The following CCSAP variants were observed in gnomAD, a reference collection of about 807,000 sequenced individuals.
CCSAP encodes centriole, cilia and spindle-associated protein.
Under a neutral mutation model 25.9 loss-of-function variants are expected in CCSAP, and 17 were observed. The observed-to-expected ratio is 0.66, with a 90% confidence interval of 0.45 to 0.99. CCSAP has a LOEUF of 0.99. Ranked by LOEUF, CCSAP falls within the 50% of genes least tolerant of loss-of-function variation. The probability of loss-of-function intolerance (pLI) is 0.00; values close to 1 mark genes in which losing one functional copy is unlikely to be tolerated. For missense variants in CCSAP, 339 were observed against 367.8 expected, an observed-to-expected ratio of 0.92 and a Z score of 0.64; for synonymous variants, 169 against 157.1, an observed-to-expected ratio of 1.08 and a Z score of -0.57.
At chr1:229,339,109 A>C (rs76944661) in intron 2 of CCSAP, among the ~76,000 whole-genome samples, 51 of 146,148 alleles carry the variant, frequency 3.5e-4, no homozygotes, top group African/African-American at 1.1e-3. Flanking sequence ...AAAAAAAAAA[A>C]CAGAAATAAG....
chr1:229,338,859 A>T (rs180963095), intron 2 of CCSAP, among the ~76,000 whole-genome samples: 21 of 152,246 alleles, frequency 1.4e-4, no homozygotes, highest in Admixed American at 1.4e-3. Context: ...GGAGGGAGGT[A>T]AGGGAGGGAA....
intron 2 of CCSAP, among the ~76,000 whole-genome samples, chr1:229,341,875 A>G (rs1438840914): frequency 6.6e-6 from 1 of 151,822 alleles, no homozygotes; most frequent in South Asian, 2.1e-4. Context: ...GCTTCAATTG[A>G]GTTCACCGCT....
At chr1:229,333,166 C>T (rs1206948023) in intron 2 of CCSAP, among the ~76,000 whole-genome samples, 1 of 152,344 alleles carries the variant, frequency 6.6e-6, no homozygotes, top group East Asian at 1.9e-4. Context: ...GGCGCGGTGG[C>T]TCACGCCTAT....
At position 229,325,148 on chromosome 1, in the gene CCSAP, G is replaced by C; in HGVS notation, c.*87C>G. 3.8e-6 allele frequency: 5 copies of C among 1,327,176 alleles called. No homozygotes were observed. The highest frequency in any genetic ancestry group is 5.1e-6 in the Non-Finnish European group (5 of 974,620). 82.2% of individuals were successfully genotyped at this position (1,327,176 alleles called of 1,614,324 possible). On this transcript the variant is annotated 3_prime_UTR_variant, in exon 4 of 4. Transcript: ENST00000284617. ...CATAATCAGTTGGTTTCTTAAACCT[G>C]TGTCCGTTTCTTTTGATGGTTTTTG...
chr1:229,340,623 A>G (rs1357183739), intron 2 of CCSAP: 5 of 527,038 alleles, frequency 9.5e-6, no homozygotes, highest in African/African-American at 5.8e-5. Context: ...TGTTATTTGC[A>G]TTTCTAGCAG....
At position 229,342,531 on chromosome 1, in the gene CCSAP, C is replaced by G. The variant is rs1402146288; in HGVS notation, c.-48-18G>C. On this transcript the variant is annotated intron_variant, in intron 1 of 3. Transcript: ENST00000284617. The surrounding 1 kb of genome is among the most constrained non-coding windows in gnomAD (Gnocchi z 7.5). ...CCCGCAGCCTACGGGACCCGGTACA[C>G]GACACAGAGGCCGCCCCGCCCCTCC... 3.6e-6 allele frequency: 4 copies of G among 1,121,156 alleles called. No individual in the cohort carries two copies. Among genetic ancestry groups the G allele is most frequent in the South Asian group, 3.3e-5 (1 of 30,160 alleles). The allele number at this position is 1,121,156 out of a possible 1,614,324, so 69.5% of individuals were successfully genotyped here.
chr1:229,333,276 C>T (rs1314392382), intron 2 of CCSAP, among the ~76,000 whole-genome samples: 5 of 151,454 alleles, frequency 3.3e-5, no homozygotes, highest in Non-Finnish European at 2.9e-5. Flanking sequence ...ACTAAAAATA[C>T]AAAAAAATTA....
In CCSAP at chr1:229,321,552, TATA is replaced by T. The variant is rs1657824674; in HGVS notation, c.*3680_*3682del. 1.3e-5 allele frequency: 2 copies of T among 152,242 alleles called. No individual in the cohort carries two copies. Among genetic ancestry groups the T allele is most frequent in the Non-Finnish European group, 2.9e-5 (2 of 68,040 alleles). 9.4% of individuals were successfully genotyped at this position (152,242 alleles called of 1,614,324 possible). A position where few individuals can be genotyped will look rare whatever the true frequency, so the allele number is the denominator to read the frequency against. ...TATCATTTTACTGATCACAAAATTA[TATA>T]ATAAGGATCTTATATGGGTTAGGTA... On this transcript the variant is annotated 3_prime_UTR_variant, in exon 4 of 4. Coordinates refer to ENST00000284617, the MANE Select transcript of CCSAP (RefSeq NM_145257.5).
chr1:229,334,201 G>C (rs1311446989), intron 2 of CCSAP, among the ~76,000 whole-genome samples: 1 of 152,158 alleles, frequency 6.6e-6, no homozygotes, highest in Non-Finnish European at 1.5e-5. Context: ...CACCCAAATA[G>C]CTGGGATTAC....
chr1:229,337,741 G>A (rs1421797013), intron 2 of CCSAP, among the ~76,000 whole-genome samples: 22 of 130,024 alleles, frequency 1.7e-4, no homozygotes, highest in East Asian at 4.3e-4. Context: ...GTGTGTGTGC[G>A]TGTCTCCAAG....
At chr1:229,327,325 C>T in intron 2 of CCSAP, 1 of 358,838 alleles carries the variant, frequency 2.8e-6, no homozygotes, top group Non-Finnish European at 5.5e-6. Flanking sequence ...GCTTTCTCCG[C>T]AATCCCCCAA....
chr1:229,329,904 T>C (rs981047155), intron 2 of CCSAP, among the ~76,000 whole-genome samples: 1 of 152,070 alleles, frequency 6.6e-6, no homozygotes, highest in Admixed American at 6.5e-5. Flanking sequence ...GGCAGGAGAA[T>C]CGCTTGAACC....
At chr1:229,338,759 C>A (rs145456062) in intron 2 of CCSAP, among the ~76,000 whole-genome samples, 90 of 152,004 alleles carry the variant, frequency 5.9e-4, no homozygotes, top group African/African-American at 2.1e-3. Context: ...ACGAAAAATT[C>A]TAATATATAT....
chr1:229,342,105 G>A lies in CCSAP; in HGVS notation c.361C>T (p.Leu121=), dbSNP rs751388996. ...TCCCCTCCGGGCCGGGTACCTGGCA[G>A]AGCCGCGTCCTCCGCGTCCTCGGCC... ...AEAEDAEDAA[L]PALPVKDVED... Residue 121 remains leucine (L), a synonymous_variant, in exon 2 of 4, where the codon CTG becomes TTG. Coordinates refer to ENST00000284617, the MANE Select transcript of CCSAP (RefSeq NM_145257.5). The surrounding 1 kb of genome is among the most constrained non-coding windows in gnomAD (Gnocchi z 7.5). 15 of 1,355,110 alleles carry A rather than the reference G, an allele frequency of 1.1e-5. No individual in the cohort carries two copies. Among genetic ancestry groups the A allele is most frequent in the Middle Eastern group, 1.9e-4 (1 of 5,202 alleles). The allele number at this position is 1,355,110 out of a possible 1,614,324, so 83.9% of individuals were successfully genotyped here. A position where few individuals can be genotyped will look rare whatever the true frequency, so the allele number is the denominator to read the frequency against.
intron 2 of CCSAP, chr1:229,327,570 G>A (rs894817984): frequency 4.4e-6 from 2 of 456,106 alleles, no homozygotes; most frequent in African/African-American, 4.0e-5. Flanking sequence ...TGTGGGAAGA[G>A]TTAAAAATGA....
At chr1:229,327,078 GA>G (rs1657957688) in intron 2 of CCSAP, 72 bp from the exon 3 acceptor site, 1 of 1,278,156 alleles carries the variant, frequency 7.8e-7, no homozygotes, top group African/African-American at 1.5e-5. Context: ...TATTTATGTT[GA>G]AAAATCATAA....
In CCSAP at chr1:229,342,247, T is replaced by TGCGGGGCCC; in HGVS notation, c.210_218dup (p.Gly71_Ala73dup). 1 of 1,266,714 alleles carries TGCGGGGCCC rather than the reference T, an allele frequency of 7.9e-7. No homozygotes were observed. The highest frequency in any genetic ancestry group is 9.9e-7 in the Non-Finnish European group (1 of 1,008,998). 78.5% of individuals were successfully genotyped at this position (1,266,714 alleles called of 1,614,324 possible). ...GGGGCGAGGGCGGGGCGCACCGGGGTGCGGGGCCCCCGGCGCCCGACGACT... is the reference window on the plus strand; with the variant it reads ...GGGGCGAGGGCGGGGCGCACCGGGGTGCGGGGCCCGCGGGGCCCCCGGCGCCCGACGACT... On this transcript the variant is annotated inframe_insertion, in exon 2 of 4. Transcript: ENST00000284617. The surrounding 1 kb of genome is among the most constrained non-coding windows in gnomAD (Gnocchi z 7.5).
chr1:229,326,971 G>C lies in CCSAP; in HGVS notation c.403C>G (p.Gln135Glu). ...PVKDVEDKPE[Q>E]QTRTRETDKS... ...TCAGTCTCTCTTGTTCTGGTTTGTT[G>C]TTCAGGTTTATCTTCTACATCTTTC... Residue 135 changes from glutamine (Q) to glutamate (E), a missense_variant, in exon 3 of 4, where the codon CAA (glutamine) becomes GAA (glutamate). Physicochemically the swap from Gln to Glu is conservative, Grantham distance 29. Transcript: ENST00000284617. 1 of 1,613,876 alleles carries C rather than the reference G, an allele frequency of 6.2e-7. No individual in the cohort carries two copies. Among genetic ancestry groups the C allele is most frequent in the South Asian group, 1.1e-5 (1 of 91,056 alleles).
At chr1:229,339,960 AAAC>A (rs1444035147) in intron 2 of CCSAP, among the ~76,000 whole-genome samples, 1 of 152,110 alleles carries the variant, frequency 6.6e-6, no homozygotes, top group Admixed American at 6.5e-5. Flanking sequence ...AACTGAAAAA[AAAC>A]AATCACATGT....
Sources: gnomAD v4.1 joint callset for allele counts (sites outside exome capture counted in the v4.1 genomes callset) on GRCh38, gnomAD v4.1.1 for gene constraint, Gnocchi (gnomAD v3.1) non-coding constraint, MANE v1.5 for transcripts, NCBI Gene and HGNC (gene_info 2026-07-23, HGNC 2026-07-21) for gene names.